Variants in ZNF397 observed in about 807,000 individuals in gnomAD.
The protein encoded by ZNF397 is zinc finger protein 397.
ZNF397 carries 38 observed loss-of-function variants against 50.6 expected under a neutral mutation model. The observed-to-expected ratio is 0.75, with a 90% CI of 0.58 to 0.98. ZNF397 has a LOEUF of 0.98. ZNF397 is among the 50% of genes least tolerant of loss of function. ZNF397 has a pLI of 0.00. For missense variants in ZNF397, 624 were observed against 624.1 expected (o/e 1.00, Z 0.00); for synonymous variants, 228 against 215.2 (o/e 1.06, Z -0.52).
intron 1 of ZNF397, 127 bp from the exon 2 acceptor site, chr18:35,242,261 ATTG>A: frequency 2.2e-6 from 1 of 462,140 alleles, no homozygotes; most frequent in Non-Finnish European, 3.8e-6. Flanking sequence ...TCATCACATT[ATTG>A]TTTTATTTAG....
In ZNF397 at chr18:35,243,627, T is replaced by C. The variant is rs752325436; in HGVS notation, c.556+334T>C. 4.6e-5 allele frequency: 26 copies of C among 566,096 alleles called. 1 individual carries two copies. Among genetic ancestry groups the C allele is most frequent in the South Asian group, 1.5e-4 (7 of 45,904 alleles). The allele number at this position is 566,096 out of a possible 1,614,324, so 35.1% of individuals were successfully genotyped here. A position where few individuals can be genotyped will look rare whatever the true frequency, so the allele number is the denominator to read the frequency against. ...AAGGCAGTTGCAATGTAGTAAATTATAGAATATAAGTAGGCAGTGGGTACT... is the reference window on the plus strand; with the variant it reads ...AAGGCAGTTGCAATGTAGTAAATTACAGAATATAAGTAGGCAGTGGGTACT... On this transcript the variant is annotated intron_variant, in intron 3 of 3. Transcript: ENST00000330501.
rs2043512757 is a variant in ZNF397, at chr18:35,248,144, T to C, written c.*1834T>C. 1 of 152,128 alleles carries C rather than the reference T, an allele frequency of 6.6e-6. No individual in the cohort carries two copies. The allele number at this position is 152,128 out of a possible 1,614,324, so 9.4% of individuals were successfully genotyped here. On this transcript the variant is annotated 3_prime_UTR_variant, in exon 4 of 4. Coordinates refer to ENST00000330501, the MANE Select transcript of ZNF397 (RefSeq NM_001135178.3). ...GGTTAACCAGCAACACAAAGACATATTCAAAAGACCTAATAGGTCAGAAGA... is the reference window on the plus strand; with the variant it reads ...GGTTAACCAGCAACACAAAGACATACTCAAAAGACCTAATAGGTCAGAAGA...
rs2043473906 is a variant in ZNF397, at chr18:35,246,003, C to G, written c.1298C>G (p.Ala433Gly). The G allele has an allele frequency of 6.3e-7, 1 of 1,576,572 alleles. No individual in the cohort carries two copies. Among genetic ancestry groups the G allele is most frequent in the African/African-American group, 1.4e-5 (1 of 73,660 alleles). Reference protein sequence around the residue: ...RPYECNECGKAFRQSSELITH... With the variant: ...RPYECNECGKGFRQSSELITH... ...TATGAATGTAATGAATGTGGAAAAG[C>G]TTTCAGGCAGAGCTCAGAGCTGATT... Residue 433 changes from alanine to glycine, a missense_variant, in exon 4 of 4, where the codon GCT becomes GGT. Ala to Gly is a moderately conservative substitution (Grantham distance 60, BLOSUM62 0). Transcript: ENST00000330501.
At chr18:35,243,067 T>G (rs1912638457) in intron 2 of ZNF397, 85 bp from the exon 3 acceptor site, 1 of 1,585,732 alleles carries the variant, frequency 6.3e-7, no homozygotes, top group Admixed American at 1.7e-5. Flanking sequence ...CCTGGAGATG[T>G]CATCATTGAC....
At chr18:35,258,700 T>A (rs1186471943), downstream of ZNF397, 1 of 151,504 alleles carries the variant, frequency 6.6e-6, no homozygotes, top group Non-Finnish European at 1.5e-5. Context: ...TGAAACCCCA[T>A]CTCTACTAAA....
chr18:35,246,231 A>G lies in ZNF397; in HGVS notation c.1526A>G (p.Tyr509Cys). 2 of 1,552,216 alleles carry G rather than the reference A, an allele frequency of 1.3e-6. No homozygotes were observed. Among genetic ancestry groups the G allele is most frequent in the Non-Finnish European group, 1.7e-6 (2 of 1,147,102 alleles). ...HQRIHSGDEAYICNECGKAFR... is the reference protein window; with the variant it reads ...HQRIHSGDEACICNECGKAFR... ...AGAATTCATTCTGGGGATGAAGCTT[A>G]TATATGTAATGAATGTGGGAAGGCT... The change falls in exon 4 of 4, where the codon TAT becomes TGT. Residue 509 changes from tyrosine (Y) to cysteine (C), a missense_variant. By Grantham distance (194) the Tyr-to-Cys change is radical (BLOSUM62 -2). Coordinates refer to ENST00000330501, the MANE Select transcript of ZNF397 (RefSeq NM_001135178.3).
rs751095373 is a variant in ZNF397, at chr18:35,242,791, G to T, written c.321G>T (p.Gln107His). 1 of 1,614,208 alleles carries T rather than the reference G, an allele frequency of 6.2e-7. No individual in the cohort carries two copies. Among genetic ancestry groups the T allele is most frequent in the East Asian group, 2.2e-5 (1 of 44,882 alleles). Residue 107 changes from glutamine to histidine, a missense_variant, in exon 2 of 4, where the codon CAG becomes CAT. By Grantham distance (24) the Gln-to-His change is conservative. Transcript: ENST00000330501. ...TGAGCATTCTGCCTGAGGAGCTGCA[G>T]ATCTGGGTTCAGCAACATAATCCAG... ...QFLSILPEELQIWVQQHNPES... is the reference protein window; with the variant it reads ...QFLSILPEELHIWVQQHNPES...
Position 35,249,662 on chromosome 18 carries a change from A to C in ZNF397, c.*3352A>C, listed in dbSNP as rs1220838476. On this transcript the variant is annotated 3_prime_UTR_variant, in exon 4 of 4. Coordinates refer to ENST00000330501, the MANE Select transcript of ZNF397 (RefSeq NM_001135178.3). Reference sequence around the variant, plus strand: ...AGTGAGACTGTGTCTCAAAAAAAAAAAAAAAAAAAAAAAAAACACTGATGT... The same window carrying C: ...AGTGAGACTGTGTCTCAAAAAAAAACAAAAAAAAAAAAAAAACACTGATGT... 6.7e-6 allele frequency: 1 copy of C among 148,174 alleles called. No homozygotes were observed. The highest frequency in any genetic ancestry group is 1.5e-5 in the Non-Finnish European group (1 of 67,004). The allele number at this position is 148,174 out of a possible 1,614,324, so 9.2% of individuals were successfully genotyped here.
rs1320428799 is a variant in ZNF397, at chr18:35,242,882, C to G, written c.412C>G (p.Gln138Glu). The change falls in exon 2 of 4, where the codon CAG becomes GAG. Residue 138 changes from glutamine (Q) to glutamate (E), a missense_variant and splice_region_variant. By Grantham distance (29) the Gln-to-Glu change is conservative. Transcript: ENST00000330501. ...GAGGGAGTTTGATGACCCAGGGCAG[C>G]AGGTGGGAACGGAGAAAAGTGATGT... The part of the protein sequence containing the change: ...LEREFDDPGQ[Q>E]VPASPQGPAV... The G allele has an allele frequency of 6.3e-7, 1 of 1,598,188 alleles. No individual in the cohort carries two copies. The highest frequency in any genetic ancestry group is 8.5e-7 in the Non-Finnish European group (1 of 1,171,972).
At chr18:35,253,957 C>G (rs747842729), downstream of ZNF397, 6 of 1,614,078 alleles carry the variant, frequency 3.7e-6, no homozygotes, top group Non-Finnish European at 5.1e-6. Context: ...CATAAGGTCT[C>G]TCTCCAGTAT....
intron 3 of ZNF397, 52 bp from the exon 4 acceptor site, chr18:35,245,210 G>A: frequency 6.7e-7 from 1 of 1,490,828 alleles, no homozygotes; most frequent in Non-Finnish European, 8.9e-7. Context: ...AGAAAGTTTT[G>A]ACGGTGACAA....
chr18:35,245,367 A>G lies in ZNF397; in HGVS notation c.662A>G (p.Asn221Ser), dbSNP rs1218453075. Residue 221 changes from asparagine (N) to serine (S), a missense_variant, in exon 4 of 4, where the codon AAT (asparagine) becomes AGT (serine). Transcript: ENST00000330501. The stretch of plus-strand genomic sequence containing the variant: ...CGAGGAATTAGTGAGCATGAAAGCA[A>G]TTTAGTGTGGAAGCAAGGAAGTGCT... ...SFRGISEHES[N>S]LVWKQGSATG... 1 of 1,610,680 alleles carries G rather than the reference A, an allele frequency of 6.2e-7. No homozygotes were observed. Among genetic ancestry groups the G allele is most frequent in the East Asian group, 2.2e-5 (1 of 44,740 alleles).
intron 3 of ZNF397, 91 bp downstream of exon 3, chr18:35,243,384 A>G: frequency 6.3e-7 from 1 of 1,579,112 alleles, no homozygotes. Flanking sequence ...AACTTGCCAC[A>G]TGTGAGCATC....
downstream of ZNF397, chr18:35,253,227 G>T (rs2043658014): frequency 2.4e-6 from 1 of 423,530 alleles, no homozygotes; most frequent in Non-Finnish European, 4.2e-6. Flanking sequence ...GCATTTCAAG[G>T]AAATATCTAC....
chr18:35,251,165 CAGT>C (rs572200613), downstream of ZNF397: 12 of 152,224 alleles, frequency 7.9e-5, no homozygotes, highest in South Asian at 2.3e-3. Flanking sequence ...ATTTACTAAA[CAGT>C]AGTTTTACTA....
rs2043532780 is a variant in ZNF397, at chr18:35,249,314, TC to T, written c.*3005del. 1 of 152,168 alleles carries T rather than the reference TC, an allele frequency of 6.6e-6. No homozygotes were observed. The highest frequency in any genetic ancestry group is 2.1e-4 in the South Asian group (1 of 4,832). 9.4% of individuals were successfully genotyped at this position (152,168 alleles called of 1,614,324 possible). A position where few individuals can be genotyped will look rare whatever the true frequency, so the allele number is the denominator to read the frequency against. On this transcript the variant is annotated 3_prime_UTR_variant, in exon 4 of 4. Transcript: ENST00000330501. ...GAAATTGTACCTGGAAATGTATGTT[TC>T]AGTAACCATCATGAATGTACACAAA...
At chr18:35,250,646 T>C (rs1304327844), downstream of ZNF397, among the ~76,000 whole-genome samples, 1 of 152,210 alleles carries the variant, frequency 6.6e-6, no homozygotes, top group African/African-American at 2.4e-5. Flanking sequence ...TCCAAGCTCA[T>C]TGAAGACCTG....
At chr18:35,243,113 G>A (rs1449538409) in intron 2 of ZNF397, 39 bp from the exon 3 acceptor site, 1 of 1,611,250 alleles carries the variant, frequency 6.2e-7, no homozygotes, top group African/African-American at 1.3e-5. Context: ...TTTTCTTAGG[G>A]ATTTTCTCAC....
At position 35,248,245 on chromosome 18, in the gene ZNF397, T is replaced by G. The variant is rs1324404881; in HGVS notation, c.*1935T>G. 1 of 152,130 alleles carries G rather than the reference T, an allele frequency of 6.6e-6. No individual in the cohort carries two copies. Among genetic ancestry groups the G allele is most frequent in the Non-Finnish European group, 1.5e-5 (1 of 68,036 alleles). 9.4% of individuals were successfully genotyped at this position (152,130 alleles called of 1,614,324 possible). ...CATAGAAAAAGAATTTTCATGAGGA[T>G]AAAAAGAAGCAAAGAGAAGTAATGC... On this transcript the variant is annotated 3_prime_UTR_variant, in exon 4 of 4. Transcript: ENST00000330501.
Sources: allele counts gnomAD v4.1 joint callset (sites outside exome capture counted in the v4.1 genomes callset), GRCh38; gene constraint gnomAD v4.1.1; transcripts MANE v1.5; gene names NCBI Gene and HGNC (gene_info 2026-07-23, HGNC 2026-07-21).